The following PYM1 variants were observed in gnomAD, a reference collection of about 807,000 sequenced individuals.
The protein encoded by PYM1 is PYM1 exon junction complex associated factor, also known as partner of Y14 and mago.
PYM1 carries 7 observed loss-of-function variants against 20.7 expected under a neutral mutation model. The ratio of observed to expected loss-of-function variants is 0.34; its 90% confidence interval spans 0.19 to 0.64. The LOEUF (loss-of-function observed/expected upper bound fraction) is 0.64, where lower values mean the gene tolerates loss of function less well. Ranked by LOEUF, PYM1 falls within the 30% of genes least tolerant of loss-of-function variation. The pLI is 0.74. For synonymous variants in PYM1, 100 were observed against 99.2 expected (o/e 1.01, Z -0.05); for missense variants, 194 against 250.0 (o/e 0.78, Z 1.51).
In PYM1 at chr12:55,927,875, C is replaced by G. The variant is rs2136272383; in HGVS notation, c.-114G>C. On this transcript the variant is annotated 5_prime_UTR_variant, in exon 1 of 3. Coordinates refer to ENST00000408946, the MANE Select transcript of PYM1 (RefSeq NM_032345.3). ...ATGAGGGCCCTAGTTGCTTCTCGCC[C>G]AGACCTCCTAACCCTGAGTGCCTCC... 1.4e-6 allele frequency: 2 copies of G among 1,384,602 alleles called. No individual in the cohort carries two copies. Among genetic ancestry groups the G allele is most frequent in the South Asian group, 1.3e-5 (1 of 74,444 alleles). The allele number at this position is 1,384,602 out of a possible 1,614,324, so 85.8% of individuals were successfully genotyped here. A position where few individuals can be genotyped will look rare whatever the true frequency, so the allele number is the denominator to read the frequency against.
intron 1 of PYM1, among the ~76,000 whole-genome samples, chr12:55,908,878 A>G (rs1317375118): frequency 6.6e-6 from 1 of 152,072 alleles, no homozygotes; most frequent in Non-Finnish European, 1.5e-5. Flanking sequence ...TAAAACAAAA[A>G]AAGTTGTTAA....
At chr12:55,906,900 G>A (rs1013672766) in intron 1 of PYM1, among the ~76,000 whole-genome samples, 1 of 151,870 alleles carries the variant, frequency 6.6e-6, no homozygotes, top group African/African-American at 2.4e-5. Flanking sequence ...CACCCGCCTC[G>A]GCCTCCCAAA....
intron 1 of PYM1, among the ~76,000 whole-genome samples, chr12:55,904,713 C>G (rs952748541): frequency 6.6e-6 from 1 of 150,852 alleles, no homozygotes; most frequent in Admixed American, 6.6e-5. Flanking sequence ...CCTGTCTCTA[C>G]TAAAAATACA....
In PYM1 at chr12:55,922,375, C is replaced by T. The variant is rs560528747; in HGVS notation, c.37+5350G>A. The stretch of plus-strand genomic sequence containing the variant: ...TAGTAATCCCAGAATTTTGGTAGGC[C>T]AAAGGGGAACAATACCTTGAGCTCA... On this transcript the variant is annotated intron_variant, in intron 1 of 2. Transcript: ENST00000408946. 8.5e-4 allele frequency among the ~76,000 whole-genome samples: 115 copies of T among 134,978 alleles called. 3 individuals carry two copies. Among genetic ancestry groups the T allele is most frequent in the Admixed American group, 7.5e-3 (85 of 11,398 alleles). 88.6% of individuals were successfully genotyped at this position (134,978 alleles called of 152,430 possible). A position where few individuals can be genotyped will look rare whatever the true frequency, so the allele number is the denominator to read the frequency against.
intron 1 of PYM1, among the ~76,000 whole-genome samples, chr12:55,908,581 C>A (rs1178342224): frequency 1.3e-5 from 2 of 152,012 alleles, no homozygotes; most frequent in African/African-American, 4.8e-5. Context: ...TCCAGGCGCA[C>A]GGGCCCACTC....
At chr12:55,908,414 G>C (rs1882863021) in intron 1 of PYM1, among the ~76,000 whole-genome samples, 1 of 147,884 alleles carries the variant, frequency 6.8e-6, no homozygotes, top group African/African-American at 2.5e-5. Context: ...GGGCAACAGA[G>C]TGAAAATCTT....
At chr12:55,914,570 A>C (rs999239899) in intron 1 of PYM1, among the ~76,000 whole-genome samples, 14 of 152,310 alleles carry the variant, frequency 9.2e-5, no homozygotes, top group Middle Eastern at 3.4e-3. Context: ...CCTTGTTTCC[A>C]GGGGTTGCAG....
chr12:55,904,159 G>C (rs1044041591), intron 1 of PYM1, among the ~76,000 whole-genome samples: 4 of 151,834 alleles, frequency 2.6e-5, no homozygotes, highest in Non-Finnish European at 4.4e-5. Flanking sequence ...GTAGAAATGG[G>C]TTTCGCCATG....
At chr12:55,912,664 G>A (rs1033678020) in intron 1 of PYM1, among the ~76,000 whole-genome samples, 1 of 151,968 alleles carries the variant, frequency 6.6e-6, no homozygotes, top group Non-Finnish European at 1.5e-5. Flanking sequence ...CATACTCTCT[G>A]CTCTAGAAAC....
At chr12:55,905,722 A>G (rs200128849) in intron 1 of PYM1, among the ~76,000 whole-genome samples, 8 of 10,800 alleles carry the variant, frequency 7.4e-4, no homozygotes, top group East Asian at 9.3e-3. Flanking sequence ...ATATATATAT[A>G]TGTATATATA....
chr12:55,902,682 G>A (rs1882715608), intron 2 of PYM1, among the ~76,000 whole-genome samples: 1 of 151,174 alleles, frequency 6.6e-6, no homozygotes, highest in Non-Finnish European at 1.5e-5. Flanking sequence ...TCACCATGTT[G>A]GTCAGGCTGG....
At chr12:55,923,121 G>C (rs1382352667) in intron 1 of PYM1, among the ~76,000 whole-genome samples, 6 of 152,136 alleles carry the variant, frequency 3.9e-5, no homozygotes, top group Non-Finnish European at 5.9e-5. Flanking sequence ...CTACCCAGGA[G>C]GCTGAGGCAG....
At chr12:55,918,931 G>A (rs1351789357) in intron 1 of PYM1, among the ~76,000 whole-genome samples, 2 of 152,168 alleles carry the variant, frequency 1.3e-5, no homozygotes, top group African/African-American at 4.8e-5. Flanking sequence ...CTTTTGTTAT[G>A]TAAAATACTA....
At chr12:55,903,564 C>A in intron 1 of PYM1, 84 bp from the exon 2 acceptor site, 1 of 1,322,444 alleles carries the variant, frequency 7.6e-7, no homozygotes, top group Non-Finnish European at 1.1e-6. Context: ...AATGTACATA[C>A]CATCTCTCAG....
intron 1 of PYM1, among the ~76,000 whole-genome samples, chr12:55,903,752 C>G (rs1882735368): frequency 6.6e-6 from 1 of 151,856 alleles, no homozygotes; most frequent in South Asian, 2.1e-4. Flanking sequence ...TGTTAAAAAA[C>G]CAAGGCAATA....
intron 1 of PYM1, among the ~76,000 whole-genome samples, chr12:55,910,274 T>C (rs908939665): frequency 5.5e-5 from 2 of 36,270 alleles, no homozygotes; most frequent in East Asian, 9.2e-4. Flanking sequence ...TATATATATA[T>C]ATATATATAT....
chr12:55,914,343 GGA>G, intron 1 of PYM1: 1 of 702,318 alleles, frequency 1.4e-6, no homozygotes, highest in Non-Finnish European at 2.6e-6. Flanking sequence ...CAAAAAGAAG[GGA>G]GAGGTTTGGC....
intron 1 of PYM1, among the ~76,000 whole-genome samples, chr12:55,919,974 T>C (rs57785224): frequency 0.038 from 5,760 of 150,868 alleles, 373 homozygotes; most frequent in African/African-American, 0.13. Context: ...TGGAAGGCCA[T>C]GGTGGGAGCA....
chr12:55,903,545 G>GA (rs1175506514), intron 1 of PYM1, 65 bp from the exon 2 acceptor site: 1 of 1,515,726 alleles, frequency 6.6e-7, no homozygotes, highest in Non-Finnish European at 9.1e-7. Context: ...GATGAGACAA[G>GA]AATGTATAAA....
Sources: allele counts gnomAD v4.1 joint callset (sites outside exome capture counted in the v4.1 genomes callset), GRCh38; gene constraint gnomAD v4.1.1; transcripts MANE v1.5; gene names NCBI Gene and HGNC (gene_info 2026-07-23, HGNC 2026-07-21).